Variants in PCDH15 observed in about 807,000 individuals in gnomAD.
PCDH15 encodes the protein protocadherin related 15, also known as protocadherin-15.
A neutral mutation model predicts 178.5 loss-of-function variants in PCDH15; 129 were observed. The observed-to-expected ratio is 0.72, with a 90% CI of 0.63 to 0.84. The LOEUF (loss-of-function observed/expected upper bound fraction) is 0.84, where lower values mean the gene tolerates loss of function less well. PCDH15 is among the 40% of genes least tolerant of loss of function. The pLI, the probability that PCDH15 is intolerant of heterozygous loss-of-function variation, is 0.00. For missense variants in PCDH15, 2,230 were observed against 2,099.9 expected, an observed-to-expected ratio of 1.06 and a Z score of -1.21; for synonymous variants, 800 against 732.0, an observed-to-expected ratio of 1.09 and a Z score of -1.50.
intron 17 of PCDH15, among the ~76,000 whole-genome samples, chr10:54,075,089 A>C (rs2094315632): frequency 6.6e-6 from 1 of 152,146 alleles, no homozygotes; most frequent in Admixed American, 6.5e-5. Context: ...TCTTTAAAAA[A>C]TTCTCGGGCT....
At chr10:55,375,390 T>A (rs960248475) in intron 2 of PCDH15, among the ~76,000 whole-genome samples, 1 of 152,090 alleles carries the variant, frequency 6.6e-6, no homozygotes, top group African/African-American at 2.4e-5. Flanking sequence ...TCATAATGAA[T>A]CATGATTTCC....
At chr10:53,823,039 G>A in intron 32 of PCDH15, 1 of 1,613,996 alleles carries the variant, frequency 6.2e-7, no homozygotes, top group African/African-American at 1.3e-5. Flanking sequence ...GGGCCCCTCA[G>A]AGACTTACTC....
intron 2 of PCDH15, among the ~76,000 whole-genome samples, chr10:55,463,498 A>C (rs565977842): frequency 6.6e-6 from 1 of 152,124 alleles, no homozygotes; most frequent in African/African-American, 2.4e-5. Flanking sequence ...AAAATAATAA[A>C]AATAAATTAG....
intron 1 of PCDH15, among the ~76,000 whole-genome samples, chr10:55,218,539 A>C (rs1047387969): frequency 1.3e-5 from 2 of 151,970 alleles, no homozygotes; most frequent in African/African-American, 2.4e-5. Flanking sequence ...GCTTTGGGTA[A>C]GCTGATTAAA....
intron 3 of PCDH15, among the ~76,000 whole-genome samples, chr10:54,398,575 T>C (rs1243720038): frequency 2.0e-5 from 3 of 152,044 alleles, no homozygotes; most frequent in Non-Finnish European, 2.9e-5. Context: ...GATCTTACCT[T>C]CAATTTTAGA....
At chr10:54,158,789 T>C (rs1243489934) in intron 13 of PCDH15, among the ~76,000 whole-genome samples, 1 of 152,174 alleles carries the variant, frequency 6.6e-6, no homozygotes, top group Non-Finnish European at 1.5e-5. Context: ...CGGTATTTTA[T>C]ATGAATAAAT....
rs1225302628 is a variant in PCDH15, at chr10:55,463,991, GAGAAAGAAAGAAAGAAAGAA to G, written c.-156+163614_-156+163633del. 3.0e-3 allele frequency among the ~76,000 whole-genome samples: 64 copies of G among 21,110 alleles called. 7 individuals are homozygous for G. Among genetic ancestry groups the G allele is most frequent in the Middle Eastern group, 0.043 (2 of 46 alleles). 13.8% of individuals were successfully genotyped at this position (21,110 alleles called of 152,430 possible). A position where few individuals can be genotyped will look rare whatever the true frequency, so the allele number is the denominator to read the frequency against. ...AAAGAAAGAGAAAGAAAGAAAGAAA[GAGAAAGAAAGAAAGAAAGAA>G]AGAAAGAAAGAAAGAAAGAAAGAAA... On this transcript the variant is annotated intron_variant, in intron 2 of 5. Transcript: ENST00000613346.
At chr10:55,446,621 C>T (rs1565148820) in intron 2 of PCDH15, among the ~76,000 whole-genome samples, 1 of 151,980 alleles carries the variant, frequency 6.6e-6, no homozygotes, top group Admixed American at 6.6e-5. Context: ...CGCATACTTG[C>T]GATGGTCTCA....
intron 8 of PCDH15, among the ~76,000 whole-genome samples, chr10:54,287,753 A>G (rs953530026): frequency 1.3e-5 from 2 of 152,164 alleles, no homozygotes; most frequent in African/African-American, 2.4e-5. Flanking sequence ...CATTAGTTTC[A>G]TTAACAGATA....
In PCDH15 at chr10:54,244,197, T is replaced by C. The variant is rs537523948; in HGVS notation, c.877-7266A>G. ...ATCATACTCTTTATTCTACCAAGTA[T>C]GTGTAAATTTACCTTGTATAATGTG... is the stretch of plus-strand genomic sequence containing the variant. On this transcript the variant is annotated intron_variant, in intron 8 of 37. Transcript: ENST00000644397. Among the ~76,000 whole-genome samples, 5 of 152,314 alleles carry C rather than the reference T, an allele frequency of 3.3e-5. No homozygotes were observed. In the East Asian group the frequency reaches 9.7e-4, roughly 29 times the overall value.
intron 1 of PCDH15, among the ~76,000 whole-genome samples, chr10:54,687,915 G>C (rs1183218130): frequency 6.6e-6 from 1 of 151,974 alleles, no homozygotes; most frequent in South Asian, 2.1e-4. Flanking sequence ...TTGTATGGCA[G>C]AAAGTTTCAG....
intron 3 of PCDH15, among the ~76,000 whole-genome samples, chr10:54,838,353 G>A (rs1356658257): frequency 6.6e-6 from 1 of 152,004 alleles, no homozygotes; most frequent in African/African-American, 2.4e-5. Flanking sequence ...GAGATCTGAT[G>A]GTTTTAGAAA....
In PCDH15 at chr10:54,436,004, G is replaced by A. The variant is rs201161854; in HGVS notation, c.158-57062C>T. Among the ~76,000 whole-genome samples, 467 of 115,708 alleles carry A rather than the reference G, an allele frequency of 4.0e-3. 7 individuals carry two copies. Among genetic ancestry groups the A allele is most frequent in the African/African-American group, 0.018 (427 of 23,646 alleles). 75.9% of individuals were successfully genotyped at this position (115,708 alleles called of 152,430 possible). On this transcript the variant is annotated intron_variant, in intron 3 of 37. Transcript: ENST00000644397. ...AAAGAAAGAAAAGAAAAGAAAAGAAGAGGAGAGGAGAGGAGAGGAGAGGAG... is the reference window on the plus strand; with the variant it reads ...AAAGAAAGAAAAGAAAAGAAAAGAAAAGGAGAGGAGAGGAGAGGAGAGGAG...
intron 2 of PCDH15, among the ~76,000 whole-genome samples, chr10:55,536,949 A>C (rs1007179373): frequency 2.6e-5 from 4 of 152,164 alleles, no homozygotes; most frequent in African/African-American, 9.6e-5. Context: ...GATGATGATC[A>C]CACTAAAGTT....
At chr10:54,383,056 C>A (rs1949428961) in intron 3 of PCDH15, among the ~76,000 whole-genome samples, 1 of 151,748 alleles carries the variant, frequency 6.6e-6, no homozygotes, top group Non-Finnish European at 1.5e-5. Flanking sequence ...ACGCAACTAC[C>A]CAATGAATAA....
intron 1 of PCDH15, among the ~76,000 whole-genome samples, chr10:55,238,579 A>G (rs1378632773): frequency 6.6e-6 from 1 of 152,216 alleles, no homozygotes; most frequent in Admixed American, 6.5e-5. Flanking sequence ...GAATCAACCA[A>G]TGATAGCCTT....
intron 27 of PCDH15, among the ~76,000 whole-genome samples, chr10:53,863,172 C>T (rs566226144): frequency 5.9e-5 from 9 of 152,094 alleles, no homozygotes; most frequent in African/African-American, 9.7e-5. Flanking sequence ...TAAGTATGAG[C>T]GCTTTTACTA....
intron 2 of PCDH15, among the ~76,000 whole-genome samples, chr10:55,105,083 T>A (rs932467383): frequency 2.0e-5 from 3 of 152,244 alleles, no homozygotes; most frequent in Non-Finnish European, 4.4e-5. Context: ...TTTATGTTTG[T>A]TTACATTTCT....
At chr10:55,501,470 T>C (rs560188021) in intron 2 of PCDH15, among the ~76,000 whole-genome samples, 2 of 151,888 alleles carry the variant, frequency 1.3e-5, no homozygotes, top group Admixed American at 1.3e-4. Flanking sequence ...ATTTCCTCTA[T>C]TATGATGTAT....
Sources: allele counts gnomAD v4.1 joint callset (sites outside exome capture counted in the v4.1 genomes callset), GRCh38; gene constraint gnomAD v4.1.1; transcripts MANE v1.5; gene names NCBI Gene and HGNC (gene_info 2026-07-23, HGNC 2026-07-21).